The following LPP variants were observed in gnomAD, a reference collection of about 807,000 sequenced individuals.
LPP encodes lipoma-preferred partner.
LPP carries 38 observed loss-of-function variants against 60.4 expected under a neutral mutation model. That is an observed-to-expected ratio of 0.63 (90% CI 0.49 to 0.83). The LOEUF (loss-of-function observed/expected upper bound fraction) is 0.83, where lower values mean the gene tolerates loss of function less well. Ranked by LOEUF, LPP falls within the 40% of genes least tolerant of loss-of-function variation. LPP has a pLI of 0.00. For synonymous variants in LPP, 328 were observed against 290.8 expected, an observed-to-expected ratio of 1.13 and a Z score of -1.30; for missense variants, 902 against 783.6, an observed-to-expected ratio of 1.15 and a Z score of -1.80.
In LPP at chr3:188,812,170, T is replaced by C. The variant is rs147344367; in HGVS notation, c.1410+51888T>C. ...TATTTTCAACATTAAGTGTAGTTCA[T>C]ATAGTTGATGATCTAAGCAATAAGA... On this transcript the variant is annotated intron_variant, in intron 9 of 11. Coordinates refer to ENST00000617246, the MANE Select transcript of LPP (RefSeq NM_001375462.1). 6.0e-3 allele frequency among the ~76,000 whole-genome samples: 917 copies of C among 152,268 alleles called. 10 individuals carry two copies. Among genetic ancestry groups the C allele is most frequent in the Middle Eastern group, 0.024 (7 of 294 alleles).
intron 1 of LPP, among the ~76,000 whole-genome samples, chr3:188,183,849 G>A (rs945672228): frequency 1.6e-4 from 24 of 152,088 alleles, no homozygotes; most frequent in South Asian, 1.5e-3. Flanking sequence ...CTTAATTGTC[G>A]TACTACACTG....
At chr3:188,829,646 A>G (rs575075730) in intron 9 of LPP, among the ~76,000 whole-genome samples, 3 of 152,310 alleles carry the variant, frequency 2.0e-5, no homozygotes, top group South Asian at 2.1e-4. Context: ...GAATCCAAGT[A>G]TATGTGGCTA....
intron 1 of LPP, among the ~76,000 whole-genome samples, chr3:188,186,168 T>A (rs962407263): frequency 6.6e-6 from 1 of 152,154 alleles, no homozygotes; most frequent in African/African-American, 2.4e-5. Flanking sequence ...TGCCCAGAGC[T>A]GCTAAATATA....
At chr3:188,628,417 A>G (rs1847249821) in intron 7 of LPP, among the ~76,000 whole-genome samples, 2 of 152,070 alleles carry the variant, frequency 1.3e-5, no homozygotes, top group African/African-American at 4.8e-5. Context: ...CAAAGGGTAC[A>G]TTACCACCAA....
At chr3:188,416,655 A>G (rs1786352314) in intron 4 of LPP, among the ~76,000 whole-genome samples, 1 of 152,180 alleles carries the variant, frequency 6.6e-6, no homozygotes, top group Non-Finnish European at 1.5e-5. Flanking sequence ...TCATGTTGCT[A>G]TTCTTTTCCC....
At chr3:188,357,501 A>G (rs1225569923) in intron 3 of LPP, among the ~76,000 whole-genome samples, 1 of 152,244 alleles carries the variant, frequency 6.6e-6, no homozygotes, top group Admixed American at 6.5e-5. Flanking sequence ...TTGCATGCCA[A>G]GTCAGGAATA....
chr3:188,433,222 T>C (rs1030338735), intron 4 of LPP, among the ~76,000 whole-genome samples: 1 of 152,184 alleles, frequency 6.6e-6, no homozygotes, highest in Non-Finnish European at 1.5e-5. Flanking sequence ...GTTATAGTGA[T>C]GGATACAGTT....
chr3:188,381,621 A>T (rs944143362), intron 3 of LPP, among the ~76,000 whole-genome samples: 7 of 152,222 alleles, frequency 4.6e-5, no homozygotes, highest in Admixed American at 4.6e-4. Context: ...GGATTGTGTC[A>T]TTCATTGAAA....
chr3:188,254,373 G>A (rs1730945899), intron 2 of LPP, among the ~76,000 whole-genome samples: 1 of 152,104 alleles, frequency 6.6e-6, no homozygotes, highest in Admixed American at 6.5e-5. Context: ...TCCTCATCAG[G>A]TTAGGCCTGG....
At chr3:188,477,031 T>C (rs1803414483) in intron 4 of LPP, among the ~76,000 whole-genome samples, 1 of 152,158 alleles carries the variant, frequency 6.6e-6, no homozygotes, top group Non-Finnish European at 1.5e-5. Flanking sequence ...GCTTCATAAG[T>C]GCTTGCTCTC....
chr3:188,379,857 C>A (rs143557478), intron 3 of LPP, among the ~76,000 whole-genome samples: 1 of 152,098 alleles, frequency 6.6e-6, no homozygotes, highest in Non-Finnish European at 1.5e-5. Context: ...TAAGAAACCA[C>A]GGTCTGTGTT....
At chr3:188,517,679 A>T (rs1244005946) in intron 5 of LPP, among the ~76,000 whole-genome samples, 1 of 152,136 alleles carries the variant, frequency 6.6e-6, no homozygotes, top group Non-Finnish European at 1.5e-5. Context: ...GTGGTAAGAG[A>T]AAATGAGGGT....
At chr3:188,864,794 A>G (rs571114344) in intron 9 of LPP, among the ~76,000 whole-genome samples, 2 of 152,358 alleles carry the variant, frequency 1.3e-5, no homozygotes, top group Non-Finnish European at 2.9e-5. Context: ...CTCTTTTTAC[A>G]TTGTGAAGCC....
intron 8 of LPP, among the ~76,000 whole-genome samples, chr3:188,743,394 T>G (rs1171624267): frequency 6.6e-6 from 1 of 151,920 alleles, no homozygotes; most frequent in African/African-American, 2.4e-5. Flanking sequence ...GTACTAGGGT[T>G]AAGCGTGTCC....
chr3:188,160,360 AATTTTTGT>A, intron 1 of LPP, among the ~76,000 whole-genome samples: 1 of 151,680 alleles, frequency 6.6e-6, no homozygotes, highest in East Asian at 1.9e-4. Flanking sequence ...ACGCCTGGCT[AATTTTTGT>A]ATTTTTGTGG....
intron 2 of LPP, among the ~76,000 whole-genome samples, chr3:188,277,466 AT>A (rs1234187229): frequency 6.6e-6 from 1 of 152,108 alleles, no homozygotes; most frequent in Non-Finnish European, 1.5e-5. Context: ...TGCTCAGTAA[AT>A]TTTAGTTTCT....
Position 188,757,409 on chromosome 3 carries a change from A to C in LPP, c.1241-2704A>C, listed in dbSNP as rs115668793. On this transcript the variant is annotated intron_variant, in intron 8 of 11. Transcript: ENST00000617246. Reference sequence around the variant, plus strand: ...GATTGAAGTTTGCTCCCAGATCCTCATGAGTAGCTATCAAACTCTCCATAA... The same window carrying C: ...GATTGAAGTTTGCTCCCAGATCCTCCTGAGTAGCTATCAAACTCTCCATAA... Among the ~76,000 whole-genome samples the C allele has an allele frequency of 3.7e-3, 569 of 152,298 alleles. 4 individuals carry two copies. Among genetic ancestry groups the C allele is most frequent in the African/African-American group, 0.013 (556 of 41,568 alleles).
intron 1 of LPP, among the ~76,000 whole-genome samples, chr3:188,223,064 A>C (rs1275152512): frequency 1.3e-5 from 2 of 152,164 alleles, no homozygotes; most frequent in African/African-American, 4.8e-5. Context: ...TGACCAGGGA[A>C]AATACTCAAG....
At chr3:188,383,715 TTATAA>T (rs1173578844) in intron 3 of LPP, among the ~76,000 whole-genome samples, 5 of 152,242 alleles carry the variant, frequency 3.3e-5, no homozygotes, top group Non-Finnish European at 7.3e-5. Context: ...AATGTTTCAA[TTATAA>T]TATATGCAGA....
Sources: allele counts gnomAD v4.1 joint callset (sites outside exome capture counted in the v4.1 genomes callset), GRCh38; gene constraint gnomAD v4.1.1; transcripts MANE v1.5; gene names NCBI Gene and HGNC (gene_info 2026-07-23, HGNC 2026-07-21).